Variants in MAPDA observed in about 807,000 individuals in gnomAD.
MAPDA encodes the protein N6,N6-dimethyl-AMP deaminase.
At chr15:43,342,384 AG>A in the MAPDA span, among the ~76,000 whole-genome samples, 1 of 150,078 alleles carries the variant, frequency 6.7e-6, no homozygotes, top group South Asian at 2.1e-4. Context: ...AGCAGGATTG[AG>A]GGGAAAGGAA....
the MAPDA span, chr15:43,342,977 CTA>C: frequency 1.1e-5 from 17 of 1,528,368 alleles, no homozygotes; most frequent in African/African-American, 1.1e-4. Context: ...CATGTATTTT[CTA>C]TGTGTCCTTT....
chr15:43,345,399 T>C, the MAPDA span, among the ~76,000 whole-genome samples: 1 of 148,420 alleles, frequency 6.7e-6, no homozygotes, highest in South Asian at 2.2e-4. Context: ...CAACACAGGA[T>C]ACAATCAACA....
the MAPDA span, among the ~76,000 whole-genome samples, chr15:43,336,349 A>G: frequency 6.6e-6 from 1 of 152,066 alleles, no homozygotes; most frequent in Non-Finnish European, 1.5e-5. Context: ...CCAGCATGTG[A>G]TAGTCTTTAG....
the MAPDA span, among the ~76,000 whole-genome samples, chr15:43,345,369 A>AAAAAG: frequency 1.4e-4 from 20 of 145,020 alleles, no homozygotes; most frequent in African/African-American, 3.4e-4. Flanking sequence ...AAAAAAAAAA[A>AAAAAG]AAATAGGACA....
the MAPDA span, among the ~76,000 whole-genome samples, chr15:43,335,466 G>T: frequency 2.0e-5 from 3 of 152,226 alleles, no homozygotes. Context: ...CCCAGGAATC[G>T]GAGGTTACAG....
At chr15:43,340,194 A>G in the MAPDA span, 2 of 1,297,786 alleles carry the variant, frequency 1.5e-6, no homozygotes, top group Non-Finnish European at 1.1e-6. Flanking sequence ...ATAAAGCTGT[A>G]GCACTTGGCA....
At chr15:43,347,962 T>G in the MAPDA span, among the ~76,000 whole-genome samples, 1 of 152,356 alleles carries the variant, frequency 6.6e-6, no homozygotes, top group East Asian at 1.9e-4. Context: ...ATCCTATGGC[T>G]GACCTAACTG....
At chr15:43,341,068 C>A in the MAPDA span, among the ~76,000 whole-genome samples, 1 of 152,162 alleles carries the variant, frequency 6.6e-6, no homozygotes, top group Non-Finnish European at 1.5e-5. Context: ...GGAGGAATTT[C>A]CTGAGATCCT....
At chr15:43,340,228 A>C in the MAPDA span, 1 of 1,579,742 alleles carries the variant, frequency 6.3e-7, no homozygotes, top group Non-Finnish European at 8.7e-7. Context: ...CCTTACCCAA[A>C]CATTATCAAT....
the MAPDA span, among the ~76,000 whole-genome samples, chr15:43,339,185 T>C: frequency 6.6e-6 from 1 of 152,208 alleles, no homozygotes; most frequent in Admixed American, 6.5e-5. Flanking sequence ...CATGATGGCA[T>C]GGAGGCTGCA....
chr15:43,346,035 A>G, the MAPDA span: 1 of 1,606,418 alleles, frequency 6.2e-7, no homozygotes, highest in Non-Finnish European at 8.5e-7. Flanking sequence ...TCAGTGGGAT[A>G]AGGACTAGCT....
At chr15:43,336,918 T>G in the MAPDA span, among the ~76,000 whole-genome samples, 1 of 152,038 alleles carries the variant, frequency 6.6e-6, no homozygotes, top group African/African-American at 2.4e-5. Flanking sequence ...TTCTATAGGA[T>G]AGAGGATGAT....
chr15:43,334,169 A>G, the MAPDA span, among the ~76,000 whole-genome samples: 1 of 152,194 alleles, frequency 6.6e-6, no homozygotes, highest in African/African-American at 2.4e-5. Flanking sequence ...GCTACTTTGC[A>G]TTTTTAATCC....
the MAPDA span, chr15:43,351,921 G>A: frequency 1.3e-6 from 2 of 1,551,286 alleles, no homozygotes; most frequent in Non-Finnish European, 1.7e-6. Flanking sequence ...GGAATCACCT[G>A]AAGCCCAGAG....
At chr15:43,346,252 G>C in the MAPDA span, among the ~76,000 whole-genome samples, 1 of 152,202 alleles carries the variant, frequency 6.6e-6, no homozygotes, top group African/African-American at 2.4e-5. Flanking sequence ...TGCACAACTA[G>C]TCCCAGACTA....
chr15:43,350,327 C>G, the MAPDA span, among the ~76,000 whole-genome samples: 5 of 151,906 alleles, frequency 3.3e-5, no homozygotes, highest in African/African-American at 7.2e-5. Flanking sequence ...ATCCACCCAC[C>G]TTGGCCTCCC....
the MAPDA span, chr15:43,352,739 CCATTG>C: frequency 6.6e-6 from 1 of 152,214 alleles, no homozygotes; most frequent in East Asian, 1.9e-4. Flanking sequence ...GATCCCAAGA[CCATTG>C]ACACCAGGCC....
At chr15:43,350,094 G>A in the MAPDA span, among the ~76,000 whole-genome samples, 1 of 152,006 alleles carries the variant, frequency 6.6e-6, no homozygotes, top group Non-Finnish European at 1.5e-5. Flanking sequence ...GGCGGGGGAC[G>A]GAGTCGCTCT....
chr15:43,346,498 T>TA, the MAPDA span, among the ~76,000 whole-genome samples: 1 of 152,230 alleles, frequency 6.6e-6, no homozygotes, highest in Non-Finnish European at 1.5e-5. Flanking sequence ...CTCTCCCAGA[T>TA]ATGACAACCA....
Sources: allele counts gnomAD v4.1 joint callset (sites outside exome capture counted in the v4.1 genomes callset), GRCh38; gene constraint gnomAD v4.1.1; transcripts MANE v1.5; gene names NCBI Gene and HGNC (gene_info 2026-07-23, HGNC 2026-07-21).